Variants in CLEC1B observed in about 807,000 individuals in gnomAD.
CLEC1B encodes the protein C-type lectin-like receptor 2.
A neutral mutation model predicts 26.7 loss-of-function variants in CLEC1B; 26 were observed. That is an observed-to-expected ratio of 0.97 (90% CI 0.71 to 1.35). CLEC1B has a LOEUF of 1.35. CLEC1B is among the 40% of genes most tolerant of loss of function. The pLI is 0.00. For synonymous variants in CLEC1B, 112 were observed against 96.0 expected (o/e 1.17, Z -0.97); for missense variants, 293 against 282.6 (o/e 1.04, Z -0.26).
At chr12:9,998,925 A>T in intron 1 of CLEC1B, 112 bp downstream of exon 1, 2 of 646,426 alleles carry the variant, frequency 3.1e-6, no homozygotes, top group South Asian at 2.3e-5. Context: ...CATTAACATC[A>T]TTCAAGAAAA....
At position 9,995,216 on chromosome 12, in the gene CLEC1B, G is replaced by T; in HGVS notation, c.469C>A (p.Arg157Ser). ...TTCTGGCGAGATAATCCGACCCAAC[G>T]AATTAAATGAGTCCTGGCTTTGATG... ...EYIKARTHLI[R>S]WVGLSRQKSN... Residue 157 changes from arginine (R) to serine (S), a missense_variant, in exon 5 of 6, where the codon CGT (arginine) becomes AGT (serine). Coordinates refer to ENST00000298527, the MANE Select transcript of CLEC1B (RefSeq NM_016509.4). 5 of 1,612,910 alleles carry T rather than the reference G, an allele frequency of 3.1e-6. No individual in the cohort carries two copies. Among genetic ancestry groups the T allele is most frequent in the Non-Finnish European group, 4.2e-6 (5 of 1,179,104 alleles).
At chr12:9,995,382 G>T in intron 4 of CLEC1B, 136 bp from the exon 5 acceptor site, 2 of 771,782 alleles carry the variant, frequency 2.6e-6, no homozygotes, top group Non-Finnish European at 4.5e-6. Flanking sequence ...GATTACATTT[G>T]ATGTTTGAAA....
chr12:9,998,367 G>A lies in CLEC1B; in HGVS notation c.78C>T (p.Ser26=), dbSNP rs958475583. 12 of 1,613,740 alleles carry A rather than the reference G, an allele frequency of 7.4e-6. No individual in the cohort carries two copies. The highest frequency in any genetic ancestry group is 1.6e-4 in the Middle Eastern group (1 of 6,062). ...KPALISVGSA[S]SSWWRVMALI... is the part of the protein sequence containing the mutation. ...AAGCCATCACACGCCACCAGGAGGAGGATGCAGAGCCAACTGTAGGCATAT... is the reference window on the plus strand; with the variant it reads ...AAGCCATCACACGCCACCAGGAGGAAGATGCAGAGCCAACTGTAGGCATAT... The change falls in exon 2 of 6, where the codon TCC becomes TCT. Residue 26 remains serine (S), a synonymous_variant. Transcript: ENST00000298527.
intron 5 of CLEC1B, among the ~76,000 whole-genome samples, chr12:9,994,737 T>G (rs923523270): frequency 6.6e-6 from 1 of 152,100 alleles, no homozygotes; most frequent in Non-Finnish European, 1.5e-5. Context: ...ATAACAACTT[T>G]CAACTGTAAA....
chr12:9,996,927 G>A lies in CLEC1B; in HGVS notation c.357C>T (p.His119=). The A allele has an allele frequency of 6.2e-7, 1 of 1,614,040 alleles. No individual in the cohort carries two copies. The highest frequency in any genetic ancestry group is 1.7e-5 in the Admixed American group (1 of 60,004). Residue 119 remains histidine (H), a synonymous_variant, in exon 4 of 6, where the codon CAC becomes CAT. Transcript: ENST00000298527. ...GCTTACTCTCTTCCCATGTTAAGTT[G>A]TGCCTGAAGAACCCATAGCAGCTAT... ...YGDSCYGFFR[H]NLTWEESKQY... is the part of the protein sequence containing the mutation.
upstream of CLEC1B, chr12:9,999,233 C>T (rs1222168287): frequency 5.4e-6 from 3 of 558,156 alleles, no homozygotes; most frequent in Middle Eastern, 2.7e-4. Context: ...TGAGATGGGA[C>T]ACATTTGTTT....
At position 9,995,251 on chromosome 12, in the gene CLEC1B, T is replaced by C. The variant is rs521040; in HGVS notation, c.439-5A>G. The stretch of plus-strand genomic sequence containing the variant: ...AGTCCTGGCTTTGATGTACTCCTAT[T>C]GTAAACATAAATAAACACAATGGTC... On this transcript the variant is annotated splice_polypyrimidine_tract_variant and splice_region_variant and intron_variant, in intron 4 of 5. Coordinates refer to ENST00000298527, the MANE Select transcript of CLEC1B (RefSeq NM_016509.4). 432,104 of 1,606,662 alleles carry C rather than the reference T, an allele frequency of 0.27. 60,491 individuals are homozygous for C. Among genetic ancestry groups the C allele is most frequent in the South Asian group, 0.4 (36,597 of 90,948 alleles).
At position 9,996,878 on chromosome 12, in the gene CLEC1B, T is replaced by C. The variant is rs1245482877; in HGVS notation, c.406A>G (p.Thr136Ala). 1 of 1,614,010 alleles carries C rather than the reference T, an allele frequency of 6.2e-7. No individual in the cohort carries two copies. The highest frequency in any genetic ancestry group is 1.7e-5 in the Admixed American group (1 of 60,004). The change falls in exon 4 of 6, where the codon ACT becomes GCT. Residue 136 changes from threonine (T) to alanine (A), a missense_variant. Coordinates refer to ENST00000298527, the MANE Select transcript of CLEC1B (RefSeq NM_016509.4). Reference sequence around the variant, plus strand: ...TTCCGGTTGTCAATCTTCAGGAGAGTAGCATTCATGTCAGTGCAGTACTGC... The same window carrying C: ...TTCCGGTTGTCAATCTTCAGGAGAGCAGCATTCATGTCAGTGCAGTACTGC... ...SKQYCTDMNATLLKIDNRNIV... is the reference protein window; with the variant it reads ...SKQYCTDMNAALLKIDNRNIV...
chr12:9,993,746 A>C (rs1394753243), intron 5 of CLEC1B, among the ~76,000 whole-genome samples: 2 of 152,148 alleles, frequency 1.3e-5, no homozygotes. Context: ...ATCAGGATTT[A>C]TGTTGCAAGA....
At chr12:9,994,469 T>C (rs1480723731) in intron 5 of CLEC1B, among the ~76,000 whole-genome samples, 2 of 152,154 alleles carry the variant, frequency 1.3e-5, no homozygotes, top group Non-Finnish European at 2.9e-5. Context: ...GTTATCAGTT[T>C]AAATTTTAAT....
upstream of CLEC1B, among the ~76,000 whole-genome samples, chr12:10,001,681 C>T (rs890652606): frequency 6.6e-6 from 1 of 152,182 alleles, no homozygotes; most frequent in African/African-American, 2.4e-5. Context: ...AAGCAGAGAA[C>T]TGCAGGAAAG....
intron 1 of CLEC1B, 64 bp downstream of exon 1, chr12:9,998,973 G>A: frequency 1.1e-6 from 1 of 946,774 alleles, no homozygotes; most frequent in Non-Finnish European, 1.7e-6. Context: ...AGTAGAAAAA[G>A]AAAGAATTGA....
At position 9,993,244 on chromosome 12, in the gene CLEC1B, A is replaced by G. The variant is rs765374313; in HGVS notation, c.589T>C (p.Tyr197His). The G allele has an allele frequency of 6.2e-7, 1 of 1,612,716 alleles. No homozygotes were observed. Among genetic ancestry groups the G allele is most frequent in the Non-Finnish European group, 8.5e-7 (1 of 1,178,870 alleles). ...EDGKGNMNCA[Y>H]FHNGKMHPTF... ...GGGTGCATTTTCCCATTATGAAAATAAGCACAATTCATATTTCCTTTTCCA... is the reference window on the plus strand; with the variant it reads ...GGGTGCATTTTCCCATTATGAAAATGAGCACAATTCATATTTCCTTTTCCA... The change falls in exon 6 of 6, where the codon TAT becomes CAT. Residue 197 changes from tyrosine to histidine, a missense_variant. Transcript: ENST00000298527.
chr12:9,993,613 C>T (rs77503935), intron 5 of CLEC1B, among the ~76,000 whole-genome samples: 3,467 of 151,940 alleles, frequency 0.023, 122 homozygotes, highest in African/African-American at 0.078. Context: ...GACTTTAGTT[C>T]GGTATTGATG....
chr12:9,998,455 G>T, intron 1 of CLEC1B, 75 bp from the exon 2 acceptor site: 3 of 1,054,640 alleles, frequency 2.8e-6, no homozygotes, highest in South Asian at 1.3e-5. Flanking sequence ...CCCTGCCCCT[G>T]CCCCTGCCTT....
upstream of CLEC1B, among the ~76,000 whole-genome samples, chr12:10,001,397 T>G (rs12826100): frequency 0.069 from 10,488 of 152,330 alleles, 446 homozygotes; most frequent in Middle Eastern, 0.099. Context: ...TTTCCATTGC[T>G]TCATTCCTCT....
intron 5 of CLEC1B, among the ~76,000 whole-genome samples, chr12:9,994,679 A>G (rs984497907): frequency 1.3e-4 from 20 of 152,138 alleles, no homozygotes; most frequent in African/African-American, 4.1e-4. Context: ...GACTCCCAGA[A>G]TAGAGGAATA....
intron 4 of CLEC1B, among the ~76,000 whole-genome samples, chr12:9,996,352 A>T (rs753290212): frequency 2.6e-5 from 4 of 152,248 alleles, no homozygotes; most frequent in African/African-American, 4.8e-5. Flanking sequence ...TCAACCTGGC[A>T]TCTGCCTAGA....
intron 2 of CLEC1B, 119 bp from the exon 3 acceptor site, chr12:9,997,398 C>A: frequency 1.2e-6 from 1 of 836,640 alleles, no homozygotes; most frequent in East Asian, 2.7e-5. Context: ...TTACTAGATA[C>A]ACATGATTAA....
Sources: allele counts gnomAD v4.1 joint callset (sites outside exome capture counted in the v4.1 genomes callset), GRCh38; gene constraint gnomAD v4.1.1; transcripts MANE v1.5; gene names NCBI Gene and HGNC (gene_info 2026-07-23, HGNC 2026-07-21).